Variants in PIK3C2G observed in about 807,000 individuals in gnomAD.
PIK3C2G encodes the protein phosphatidylinositol-4-phosphate 3-kinase catalytic subunit type 2 gamma.
PIK3C2G carries 168 observed loss-of-function variants against 181.1 expected under a neutral mutation model. The ratio of observed to expected loss-of-function variants is 0.93; its 90% confidence interval spans 0.82 to 1.05. The LOEUF (loss-of-function observed/expected upper bound fraction) is 1.05. Among genes scored for constraint, PIK3C2G ranks in the 50% least tolerant of loss-of-function variants. The pLI is 0.00. For missense variants in PIK3C2G, 1,869 were observed against 1,732.8 expected (o/e 1.08, Z -1.40); for synonymous variants, 573 against 592.2 (o/e 0.97, Z 0.47).
intron 1 of PIK3C2G, among the ~76,000 whole-genome samples, chr12:18,252,342 A>T (rs1948103335): frequency 6.6e-6 from 1 of 152,160 alleles, no homozygotes; most frequent in Admixed American, 6.5e-5. Context: ...TTCACCCAAG[A>T]CCGCATAATC....
chr12:18,256,127 G>A (rs1269519991), intron 1 of PIK3C2G, among the ~76,000 whole-genome samples: 1 of 152,026 alleles, frequency 6.6e-6, no homozygotes, highest in Non-Finnish European at 1.5e-5. Context: ...TAATTATTTT[G>A]TAAGAAAGAA....
intron 22 of PIK3C2G, among the ~76,000 whole-genome samples, chr12:18,500,774 C>T (rs1016175393): frequency 1.3e-5 from 2 of 152,168 alleles, no homozygotes; most frequent in African/African-American, 4.8e-5. Flanking sequence ...GCAACCCACT[C>T]AGGTCCCCTT....
the PIK3C2G span, among the ~76,000 whole-genome samples, chr12:18,706,661 T>A: frequency 6.6e-6 from 1 of 152,202 alleles, no homozygotes; most frequent in Non-Finnish European, 1.5e-5. Flanking sequence ...TGTTTTGATT[T>A]CATATATACT....
intron 31 of PIK3C2G, among the ~76,000 whole-genome samples, chr12:18,624,263 T>C (rs1290782243): frequency 6.6e-6 from 1 of 151,698 alleles, no homozygotes; most frequent in Non-Finnish European, 1.5e-5. Flanking sequence ...TTTAATTAAA[T>C]GCTGCTTTTT....
intron 8 of PIK3C2G, among the ~76,000 whole-genome samples, chr12:18,332,009 GT>G (rs902721826): frequency 6.6e-6 from 1 of 151,934 alleles, no homozygotes; most frequent in Admixed American, 6.6e-5. Flanking sequence ...TTTATAATCT[GT>G]TTCATATATT....
intron 18 of PIK3C2G, among the ~76,000 whole-genome samples, chr12:18,445,123 T>C (rs961271517): frequency 2.6e-5 from 4 of 151,998 alleles, no homozygotes; most frequent in African/African-American, 7.2e-5. Context: ...GCCAGATATT[T>C]AAAAAATTAG....
intron 30 of PIK3C2G, among the ~76,000 whole-genome samples, chr12:18,607,602 G>T (rs1948099237): frequency 6.6e-6 from 1 of 152,150 alleles, no homozygotes; most frequent in Admixed American, 6.6e-5. Context: ...AACCCTAGAA[G>T]AAAACCTAGG....
intron 5 of PIK3C2G, among the ~76,000 whole-genome samples, chr12:18,297,454 A>G (rs181590987): frequency 6.2e-4 from 95 of 152,202 alleles, no homozygotes; most frequent in African/African-American, 2.3e-3. Flanking sequence ...ATATTTGGAT[A>G]TCTACATAGA....
chr12:18,305,780 C>G (rs1193720572), intron 5 of PIK3C2G, among the ~76,000 whole-genome samples: 1 of 151,782 alleles, frequency 6.6e-6, no homozygotes, highest in African/African-American at 2.4e-5. Context: ...ATAATAAAAC[C>G]TTAGGATAGA....
At chr12:18,668,273 G>A in the PIK3C2G span, among the ~76,000 whole-genome samples, 1 of 152,176 alleles carries the variant, frequency 6.6e-6, no homozygotes, top group Non-Finnish European at 1.5e-5. Flanking sequence ...TTTTCATTAA[G>A]TATTTACATG....
chr12:18,321,057 A>C lies in PIK3C2G; in HGVS notation c.1208+25A>C, dbSNP rs768263702. The C allele has an allele frequency of 2.5e-6, 3 of 1,216,622 alleles. No homozygotes were observed. In the East Asian group the frequency reaches 7.2e-5, roughly 29 times the overall value. 75.4% of individuals were successfully genotyped at this position (1,216,622 alleles called of 1,614,324 possible). ...GGTAAGATATTTTATATTTGTTCCA[A>C]GACTACTTTCTGATTGAGTTCTCAA... On this transcript the variant is annotated intron_variant, in intron 7 of 32. Coordinates refer to ENST00000538779, the MANE Select transcript of PIK3C2G (RefSeq NM_001288772.2).
At chr12:18,511,636 A>C (rs1942213271) in intron 24 of PIK3C2G, among the ~76,000 whole-genome samples, 1 of 151,844 alleles carries the variant, frequency 6.6e-6, no homozygotes, top group Non-Finnish European at 1.5e-5. Flanking sequence ...ATGTCTATTT[A>C]GGTTCTTTGC....
At chr12:18,274,057 C>A (rs1948867130) in intron 1 of PIK3C2G, among the ~76,000 whole-genome samples, 1 of 152,138 alleles carries the variant, frequency 6.6e-6, no homozygotes, top group South Asian at 2.1e-4. Flanking sequence ...AAAAAATGCT[C>A]ATCATCACTG....
intron 18 of PIK3C2G, among the ~76,000 whole-genome samples, chr12:18,482,178 C>T (rs1482863868): frequency 1.3e-5 from 2 of 148,574 alleles, no homozygotes; most frequent in Non-Finnish European, 3.0e-5. Context: ...CACCCTCGCA[C>T]CCCTAGACTC....
chr12:18,315,757 G>A (rs1950832611), intron 6 of PIK3C2G, among the ~76,000 whole-genome samples: 1 of 152,154 alleles, frequency 6.6e-6, no homozygotes, highest in Admixed American at 6.5e-5. Flanking sequence ...TTTGAGCACA[G>A]TCAGTGGGTC....
the PIK3C2G span, among the ~76,000 whole-genome samples, chr12:18,718,630 C>A: frequency 6.6e-6 from 1 of 152,094 alleles, no homozygotes. Flanking sequence ...ACTCATGCCA[C>A]AACTATTTCT....
At chr12:18,677,849 T>C in the PIK3C2G span, among the ~76,000 whole-genome samples, 1 of 152,088 alleles carries the variant, frequency 6.6e-6, no homozygotes, top group Non-Finnish European at 1.5e-5. Context: ...GGTTTTAAAA[T>C]TGTACTTTAA....
upstream of PIK3C2G, among the ~76,000 whole-genome samples, chr12:18,260,057 C>A (rs1948195766): frequency 6.6e-6 from 1 of 151,944 alleles, no homozygotes; most frequent in African/African-American, 2.4e-5. Context: ...CATTTTTGTA[C>A]CCTTTCTTGT....
rs1046771328 is a variant in PIK3C2G, at chr12:18,294,105, C to G, written c.1034+90C>G. On this transcript the variant is annotated intron_variant, in intron 5 of 32. Coordinates refer to ENST00000538779, the MANE Select transcript of PIK3C2G (RefSeq NM_001288772.2). ...GGTTTTGTTTTAAACAGACTTTACA[C>G]AAACATTATAGTCTTATATAATTAA... 33 of 651,288 alleles carry G rather than the reference C, an allele frequency of 5.1e-5. No individual in the cohort carries two copies. The South Asian group carries it at 5.6e-4, about 11-fold the overall frequency. The allele number at this position is 651,288 out of a possible 1,614,324, so 40.3% of individuals were successfully genotyped here.
Sources: gnomAD v4.1 joint callset for allele counts (sites outside exome capture counted in the v4.1 genomes callset) on GRCh38, gnomAD v4.1.1 for gene constraint, MANE v1.5 for transcripts, NCBI Gene and HGNC (gene_info 2026-07-23, HGNC 2026-07-21) for gene names.